The following CMC1 variants were observed in gnomAD, a reference collection of about 807,000 sequenced individuals.
CMC1 encodes C-X9-C motif containing 1.
In CMC1, 14 loss-of-function variants were observed where a neutral mutation model predicts 14.1. That is an observed-to-expected ratio of 0.99 (90% CI 0.66 to 1.55). The LOEUF is 1.55. CMC1 is among the 40% of genes most tolerant of loss of function. The pLI is 0.00. For missense variants in CMC1, 127 were observed against 123.8 expected (o/e 1.03, Z -0.12); for synonymous variants, 50 against 38.4 (o/e 1.30, Z -1.12).
chr3:28,248,307 T>C (rs571718646), intron 1 of CMC1, among the ~76,000 whole-genome samples: 2 of 152,306 alleles, frequency 1.3e-5, no homozygotes, highest in South Asian at 2.1e-4. Context: ...TAATTTCACC[T>C]AGATTATAGA....
intron 2 of CMC1, among the ~76,000 whole-genome samples, chr3:28,311,525 A>C (rs1577096090): frequency 6.6e-6 from 1 of 152,202 alleles, no homozygotes; most frequent in Non-Finnish European, 1.5e-5. Context: ...AGAAGAGGAC[A>C]AAAATACTAT....
chr3:28,277,685 T>G (rs112234077), intron 2 of CMC1, among the ~76,000 whole-genome samples: 2,423 of 151,872 alleles, frequency 0.016, 66 homozygotes, highest in African/African-American at 0.054. Flanking sequence ...GGTGAAGGAG[T>G]GAGATAATTC....
In CMC1 at chr3:28,324,800, T is replaced by C; in HGVS notation, c.*5171T>C. On this transcript the variant is annotated 3_prime_UTR_variant, in exon 4 of 4. Coordinates refer to ENST00000466830, the MANE Select transcript of CMC1 (RefSeq NM_182523.2). ...AAGTTGGAAACTAATACAGTTAAAATACAAATAAAGATCCTGTTCTTGGCT... is the reference window on the plus strand; with the variant it reads ...AAGTTGGAAACTAATACAGTTAAAACACAAATAAAGATCCTGTTCTTGGCT... The C allele has an allele frequency of 5.7e-6, 1 of 175,280 alleles. No homozygotes were observed. The highest frequency in any genetic ancestry group is 1.5e-4 in the East Asian group (1 of 6,668). 10.9% of individuals were successfully genotyped at this position (175,280 alleles called of 1,614,324 possible).
intron 2 of CMC1, among the ~76,000 whole-genome samples, chr3:28,282,656 T>C (rs1482669365): frequency 1.3e-5 from 2 of 152,206 alleles, no homozygotes; most frequent in African/African-American, 4.8e-5. Flanking sequence ...GTTCACATTG[T>C]CAGGCTGCTT....
At chr3:28,267,744 G>A (rs1700080945) in intron 2 of CMC1, among the ~76,000 whole-genome samples, 1 of 152,162 alleles carries the variant, frequency 6.6e-6, no homozygotes, top group Non-Finnish European at 1.5e-5. Context: ...CCAAAGATAA[G>A]TGAATGAACA....
At chr3:28,286,423 T>G (rs901252162) in intron 2 of CMC1, among the ~76,000 whole-genome samples, 41 of 152,228 alleles carry the variant, frequency 2.7e-4, no homozygotes, top group African/African-American at 9.2e-4. Context: ...TTTTAACATG[T>G]CATTTAGTGA....
intron 2 of CMC1, among the ~76,000 whole-genome samples, chr3:28,277,166 A>C (rs748908422): frequency 8.5e-5 from 13 of 152,202 alleles, no homozygotes; most frequent in African/African-American, 2.9e-4. Flanking sequence ...GATTTATTCA[A>C]ATTTTCAGAA....
At position 28,324,296 on chromosome 3, in the gene CMC1, C is replaced by T. The variant is rs1703297738; in HGVS notation, c.*4667C>T. The T allele has an allele frequency of 6.2e-6, 10 of 1,607,622 alleles. No homozygotes were observed. Among genetic ancestry groups the T allele is most frequent in the African/African-American group, 1.3e-5 (1 of 74,452 alleles). On this transcript the variant is annotated 3_prime_UTR_variant, in exon 4 of 4. Coordinates refer to ENST00000466830, the MANE Select transcript of CMC1 (RefSeq NM_182523.2). ...TGGAGGATTGCTTTCTCTGATAAAA[C>T]CTTTACATCTCCTGGTAAAGGGGAA... is the stretch of plus-strand genomic sequence containing the variant.
chr3:28,324,833 T>C lies in CMC1; in HGVS notation c.*5204T>C, dbSNP rs999682325. On this transcript the variant is annotated 3_prime_UTR_variant, in exon 4 of 4. Transcript: ENST00000466830. ...AAGATCCTGTTCTTGGCTCTTATTGTGGCTGGAGAAGGATTGCAGACTGTT... is the reference window on the plus strand; with the variant it reads ...AAGATCCTGTTCTTGGCTCTTATTGCGGCTGGAGAAGGATTGCAGACTGTT... 4 of 158,640 alleles carry C rather than the reference T, an allele frequency of 2.5e-5. No homozygotes were observed. Among genetic ancestry groups the C allele is most frequent in the Non-Finnish European group, 2.7e-5 (2 of 72,748 alleles). The allele number at this position is 158,640 out of a possible 1,614,324, so 9.8% of individuals were successfully genotyped here. A position where few individuals can be genotyped will look rare whatever the true frequency, so the allele number is the denominator to read the frequency against.
At chr3:28,277,310 C>G (rs1320705468) in intron 2 of CMC1, among the ~76,000 whole-genome samples, 1 of 151,958 alleles carries the variant, frequency 6.6e-6, no homozygotes, top group African/African-American at 2.4e-5. Context: ...TAGTGTTAGC[C>G]AAATATTACA....
intron 2 of CMC1, among the ~76,000 whole-genome samples, chr3:28,310,376 G>T (rs1702577955): frequency 6.6e-6 from 1 of 152,218 alleles, no homozygotes; most frequent in Admixed American, 6.5e-5. Flanking sequence ...GAAAATGTTT[G>T]TTGAATGAAT....
chr3:28,312,161 T>G (rs777756619), intron 2 of CMC1, among the ~76,000 whole-genome samples: 11 of 152,212 alleles, frequency 7.2e-5, no homozygotes, highest in Non-Finnish European at 1.6e-4. Flanking sequence ...TAAACTGTAT[T>G]GGTATCCAAA....
chr3:28,311,540 A>G (rs1450524211), intron 2 of CMC1, among the ~76,000 whole-genome samples: 1 of 152,144 alleles, frequency 6.6e-6, no homozygotes, highest in African/African-American at 2.4e-5. Flanking sequence ...TACTATCTTC[A>G]TTGTCTCTGC....
At chr3:28,252,518 C>T (rs113169177) in intron 1 of CMC1, among the ~76,000 whole-genome samples, 2,834 of 152,154 alleles carry the variant, frequency 0.019, 90 homozygotes, top group African/African-American at 0.063. Context: ...ATTTTTTTCC[C>T]GTGGTAGGAA....
Position 28,280,315 on chromosome 3 carries a change from G to A in CMC1, c.109+16935G>A, listed in dbSNP as rs148332219. Among the ~76,000 whole-genome samples the A allele has an allele frequency of 6.1e-3, 930 of 152,254 alleles. 9 individuals carry two copies. The highest frequency in any genetic ancestry group is 0.019 in the African/African-American group (775 of 41,576). On this transcript the variant is annotated intron_variant, in intron 2 of 3. Coordinates refer to ENST00000466830, the MANE Select transcript of CMC1 (RefSeq NM_182523.2). Reference sequence around the variant, plus strand: ...TCTGGAGTGATTTTAATATTCTGTAGTTTTCGGTGGTTTGTATTGCACAAA... The same window carrying A: ...TCTGGAGTGATTTTAATATTCTGTAATTTTCGGTGGTTTGTATTGCACAAA...
intron 2 of CMC1, among the ~76,000 whole-genome samples, chr3:28,300,047 T>C (rs1056073496): frequency 1.3e-5 from 2 of 152,174 alleles, no homozygotes; most frequent in African/African-American, 2.4e-5. Context: ...ACTATACTTA[T>C]TAAGTGTCTA....
chr3:28,315,626 C>T (rs1445413749), intron 2 of CMC1, among the ~76,000 whole-genome samples: 2 of 152,168 alleles, frequency 1.3e-5, no homozygotes, highest in Non-Finnish European at 2.9e-5. Flanking sequence ...CTTTGTATTT[C>T]TCCTAGAATA....
At chr3:28,269,121 T>C (rs950790743) in intron 2 of CMC1, among the ~76,000 whole-genome samples, 36 of 152,212 alleles carry the variant, frequency 2.4e-4, no homozygotes, top group African/African-American at 8.0e-4. Flanking sequence ...GGGGTATGTA[T>C]GTAGAGGAAA....
rs1421401518 is a variant in CMC1 at position 28,312,738 on chromosome 3, A to G, written c.110-3595A>G. Among the ~76,000 whole-genome samples the G allele has an allele frequency of 2.0e-5, 3 of 152,218 alleles. No individual in the cohort carries two copies. In the South Asian group the frequency reaches 6.2e-4, roughly 32 times the overall value. Reference sequence around the variant, plus strand: ...GTACTTAATTATATAGACTACTTGTACTTAATTACAATGTGAATAATTATT... The same window carrying G: ...GTACTTAATTATATAGACTACTTGTGCTTAATTACAATGTGAATAATTATT... On this transcript the variant is annotated intron_variant, in intron 2 of 3. Coordinates refer to ENST00000466830, the MANE Select transcript of CMC1 (RefSeq NM_182523.2).
Sources: gnomAD v4.1 joint callset for allele counts (sites outside exome capture counted in the v4.1 genomes callset) on GRCh38, gnomAD v4.1.1 for gene constraint, MANE v1.5 for transcripts, NCBI Gene and HGNC (gene_info 2026-07-23, HGNC 2026-07-21) for gene names.